Variants in ZSWIM6 observed in about 807,000 individuals in gnomAD.
The protein encoded by ZSWIM6 is zinc finger SWIM domain-containing protein 6.
A neutral mutation model predicts 113.2 loss-of-function variants in ZSWIM6; 9 were observed. The ratio of observed to expected loss-of-function variants is 0.08; its 90% CI spans 0.05 to 0.14. ZSWIM6 has a LOEUF of 0.14. Among genes scored for constraint, ZSWIM6 ranks in the 10% least tolerant of loss-of-function variants. ZSWIM6 has a pLI of 1.00. For missense variants in ZSWIM6, 1,162 were observed against 1,552.2 expected, an observed-to-expected ratio of 0.75 and a Z score of 4.22; for synonymous variants, 611 against 606.5, an observed-to-expected ratio of 1.01 and a Z score of -0.11.
intron 1 of ZSWIM6, among the ~76,000 whole-genome samples, chr5:61,379,441 A>G (rs1745434635): frequency 6.6e-6 from 1 of 152,120 alleles, no homozygotes; most frequent in African/African-American, 2.4e-5. Flanking sequence ...CTGTCATTTT[A>G]AAATTGTAGG....
rs768273621 is a variant in ZSWIM6 at position 61,525,790 on chromosome 5, G to T, written c.1514-10G>T. ...AGCTGACACGGCTTTCTGAATTGTG[G>T]AAAAAACAGATTCATCGAACAGGCC... On this transcript the variant is annotated splice_polypyrimidine_tract_variant and intron_variant, in intron 5 of 13. Transcript: ENST00000252744. 6 of 1,551,144 alleles carry T rather than the reference G, an allele frequency of 3.9e-6. No individual in the cohort carries two copies. The African/African-American group carries it at 6.9e-5, about 18-fold the overall frequency.
intron 1 of ZSWIM6, among the ~76,000 whole-genome samples, chr5:61,376,673 T>C (rs1346889999): frequency 7.2e-6 from 1 of 138,952 alleles, no homozygotes; most frequent in Non-Finnish European, 1.5e-5. Context: ...AGAGGAATTA[T>C]TTTAAATAGA....
chr5:61,488,453 T>A (rs1015220127), intron 2 of ZSWIM6, among the ~76,000 whole-genome samples: 1 of 152,052 alleles, frequency 6.6e-6, no homozygotes, highest in African/African-American at 2.4e-5. Context: ...TCTTCCTACG[T>A]TTGGTAGAAT....
chr5:61,488,536 C>T lies in ZSWIM6; in HGVS notation c.1034-2250C>T, dbSNP rs76769733. Among the ~76,000 whole-genome samples, 438 of 152,108 alleles carry T rather than the reference C, an allele frequency of 2.9e-3. 2 individuals are homozygous for T. Among genetic ancestry groups the T allele is most frequent in the Non-Finnish European group, 4.5e-3 (303 of 67,934 alleles). ...CTTTATTACCGATTCAGTGTTGCCA[C>T]TCATTACTGGTCTGCTCAGGCTTTT... On this transcript the variant is annotated intron_variant, in intron 2 of 13. Coordinates refer to ENST00000252744, the MANE Select transcript of ZSWIM6 (RefSeq NM_020928.2).
chr5:61,466,444 TC>T (rs34758776), intron 1 of ZSWIM6, among the ~76,000 whole-genome samples: 1 of 152,220 alleles, frequency 6.6e-6, no homozygotes, highest in Non-Finnish European at 1.5e-5. Context: ...GCCTTTAATT[TC>T]CCTGGGGGTT....
At chr5:61,359,791 G>C (rs755846455) in intron 1 of ZSWIM6, among the ~76,000 whole-genome samples, 1 of 152,098 alleles carries the variant, frequency 6.6e-6, no homozygotes. Context: ...TTTTCAAAAC[G>C]ACTGTAAGAA....
Position 61,391,260 on chromosome 5 carries a change from C to T in ZSWIM6, c.676+58312C>T, listed in dbSNP as rs548636925. ...GCTCAAACACTTGGTTCACAGGTACCTGCTGCTCAAGCCTCTCGTGGGCCC... is the reference window on the plus strand; with the variant it reads ...GCTCAAACACTTGGTTCACAGGTACTTGCTGCTCAAGCCTCTCGTGGGCCC... On this transcript the variant is annotated intron_variant, in intron 1 of 13. Transcript: ENST00000252744. 14 of 898,722 alleles carry T rather than the reference C, an allele frequency of 1.6e-5. No individual in the cohort carries two copies. The East Asian group carries it at 3.4e-4, about 22-fold the overall frequency. The allele number at this position is 898,722 out of a possible 1,614,324, so 55.7% of individuals were successfully genotyped here. A position where few individuals can be genotyped will look rare whatever the true frequency, so the allele number is the denominator to read the frequency against.
rs534628774 is a variant in ZSWIM6, at chr5:61,410,619, T to G, written c.677-62062T>G. Among the ~76,000 whole-genome samples the G allele has an allele frequency of 9.2e-5, 14 of 152,312 alleles. No individual in the cohort carries two copies. The South Asian group carries it at 2.7e-3, about 29-fold the overall frequency. ...CACCGTGCCCGGCGATTTATTTCCT[T>G]TTTAAACCATCTGACTAGATTCTAA... On this transcript the variant is annotated intron_variant, in intron 1 of 13. Coordinates refer to ENST00000252744, the MANE Select transcript of ZSWIM6 (RefSeq NM_020928.2).
intron 1 of ZSWIM6, among the ~76,000 whole-genome samples, chr5:61,350,846 G>C (rs1385584179): frequency 6.6e-6 from 1 of 152,132 alleles, no homozygotes. Context: ...CTGTCGTAAG[G>C]CTGCTAAGAG....
At chr5:61,509,398 C>G (rs1030183099) in intron 4 of ZSWIM6, among the ~76,000 whole-genome samples, 2 of 151,990 alleles carry the variant, frequency 1.3e-5, no homozygotes, top group Admixed American at 1.3e-4. Flanking sequence ...AGTGTTTTGG[C>G]AAAGATACTG....
intron 1 of ZSWIM6, among the ~76,000 whole-genome samples, chr5:61,463,535 G>T (rs1233803112): frequency 6.6e-6 from 1 of 152,182 alleles, no homozygotes; most frequent in Non-Finnish European, 1.5e-5. Context: ...GTTATCATAT[G>T]CACATTCCAG....
chr5:61,354,646 T>C (rs945914614), intron 1 of ZSWIM6, among the ~76,000 whole-genome samples: 3 of 152,174 alleles, frequency 2.0e-5, no homozygotes, highest in Non-Finnish European at 4.4e-5. Context: ...TTTTGAGGGG[T>C]TCATAAGTTG....
intron 1 of ZSWIM6, among the ~76,000 whole-genome samples, chr5:61,449,700 GGGTTGACAGT>G (rs1747044760): frequency 6.6e-6 from 1 of 152,138 alleles, no homozygotes; most frequent in Non-Finnish European, 1.5e-5. Context: ...GGCAAAACTG[GGGTTGACAGT>G]ATACTGTAAG....
intron 2 of ZSWIM6, among the ~76,000 whole-genome samples, chr5:61,482,095 A>G (rs1747881093): frequency 6.6e-6 from 1 of 152,150 alleles, no homozygotes; most frequent in African/African-American, 2.4e-5. Context: ...TCCCTTCTCA[A>G]AGCTAAATGT....
chr5:61,505,662 CCTTCCTTCCTTCTTTCCTTG>C lies in ZSWIM6; in HGVS notation c.1333+11254_1333+11273del, dbSNP rs1186614049. 2.5e-3 allele frequency among the ~76,000 whole-genome samples: 274 copies of C among 111,452 alleles called. 12 individuals carry two copies. Among genetic ancestry groups the C allele is most frequent in the Non-Finnish European group, 3.4e-3 (176 of 51,320 alleles). 73.1% of individuals were successfully genotyped at this position (111,452 alleles called of 152,430 possible). A position where few individuals can be genotyped will look rare whatever the true frequency, so the allele number is the denominator to read the frequency against. The stretch of plus-strand genomic sequence containing the variant: ...TCCTTCCTTCCTTCCTTCCTTCCTT[CCTTCCTTCCTTCTTTCCTTG>C]CCTCCCTCCCTCCCTTCCTTCCTCC... On this transcript the variant is annotated intron_variant, in intron 4 of 13. Transcript: ENST00000252744.
intron 1 of ZSWIM6, among the ~76,000 whole-genome samples, chr5:61,348,082 G>A (rs1057103178): frequency 6.6e-6 from 1 of 152,032 alleles, no homozygotes; most frequent in African/African-American, 2.4e-5. Context: ...TTAGCCGGGT[G>A]TGGTGGCGGG....
intron 3 of ZSWIM6, among the ~76,000 whole-genome samples, chr5:61,492,447 AG>A (rs1398934958): frequency 2.0e-5 from 3 of 152,094 alleles, no homozygotes; most frequent in African/African-American, 7.2e-5. Flanking sequence ...TTCTGATCCA[AG>A]CTGTTCCCCT....
At chr5:61,478,719 G>A (rs1393275879) in intron 2 of ZSWIM6, among the ~76,000 whole-genome samples, 1 of 151,926 alleles carries the variant, frequency 6.6e-6, no homozygotes, top group South Asian at 2.1e-4. Context: ...GTGTGTGTGT[G>A]TGTGTGTGTG....
intron 2 of ZSWIM6, among the ~76,000 whole-genome samples, chr5:61,485,997 T>A (rs1748008384): frequency 1.3e-5 from 2 of 152,190 alleles, no homozygotes; most frequent in South Asian, 4.1e-4. Context: ...AATTTTGAGG[T>A]ACAAGAGTAA....
Sources: gnomAD v4.1 joint callset for allele counts (sites outside exome capture counted in the v4.1 genomes callset) on GRCh38, gnomAD v4.1.1 for gene constraint, MANE v1.5 for transcripts, NCBI Gene and HGNC (gene_info 2026-07-23, HGNC 2026-07-21) for gene names.